Variants in SLC44A5 observed in about 807,000 individuals in gnomAD.
The protein encoded by SLC44A5 is solute carrier family 44 member 5.
Under a neutral mutation model 101.8 loss-of-function variants are expected in SLC44A5, and 57 were observed. The ratio of observed to expected loss-of-function variants is 0.56; its 90% CI spans 0.45 to 0.70. The LOEUF (loss-of-function observed/expected upper bound fraction) is 0.70. SLC44A5 is among the 30% of genes least tolerant of loss of function. SLC44A5 has a pLI of 0.00. For synonymous variants in SLC44A5, 281 were observed against 290.9 expected, an observed-to-expected ratio of 0.97 and a Z score of 0.35; for missense variants, 737 against 853.1, an observed-to-expected ratio of 0.86 and a Z score of 1.70.
intron 4 of SLC44A5, among the ~76,000 whole-genome samples, chr1:75,314,124 TAA>T (rs1442349610): frequency 1.3e-5 from 2 of 152,148 alleles, no homozygotes; most frequent in Middle Eastern, 3.4e-3. Context: ...GAGAAAAGTT[TAA>T]AGACGTTGGT....
upstream of SLC44A5, among the ~76,000 whole-genome samples, chr1:75,615,086 G>T (rs1052444073): frequency 6.6e-5 from 10 of 152,102 alleles, no homozygotes; most frequent in African/African-American, 2.2e-4. Context: ...CCAGCAACAA[G>T]CTCTTCCTTG....
chr1:75,487,576 T>G (rs560750976), intron 2 of SLC44A5, among the ~76,000 whole-genome samples: 1 of 152,236 alleles, frequency 6.6e-6, no homozygotes, highest in Non-Finnish European at 1.5e-5. Context: ...CTCAATGGAC[T>G]GTGATCATTT....
At chr1:75,644,272 ATG>A in the SLC44A5 span, among the ~76,000 whole-genome samples, 406 of 152,270 alleles carry the variant, frequency 2.7e-3, 3 homozygotes, top group African/African-American at 9.5e-3. Flanking sequence ...AGAGTTTTAA[ATG>A]TGTCATTTAA....
At chr1:75,513,660 T>TATG (rs1242055721) in intron 2 of SLC44A5, among the ~76,000 whole-genome samples, 2 of 152,224 alleles carry the variant, frequency 1.3e-5, no homozygotes, top group African/African-American at 4.8e-5. Context: ...AAATGAATGC[T>TATG]ATGCACCAAT....
chr1:75,582,486 C>T, intron 1 of SLC44A5: 1 of 590,816 alleles, frequency 1.7e-6, no homozygotes, highest in South Asian at 2.4e-5. Context: ...CAAACCAAGG[C>T]CCAGCCTGCA....
intron 5 of SLC44A5, among the ~76,000 whole-genome samples, chr1:75,298,022 C>T (rs1300159652): frequency 6.6e-6 from 1 of 152,138 alleles, no homozygotes; most frequent in Admixed American, 6.6e-5. Context: ...ATGAAAAGAT[C>T]ATGGATGAAA....
chr1:75,225,606 A>G (rs1028609105), intron 13 of SLC44A5, among the ~76,000 whole-genome samples: 1 of 152,148 alleles, frequency 6.6e-6, no homozygotes, highest in Non-Finnish European at 1.5e-5. Context: ...CGAACACAAA[A>G]TAGAACTCAT....
chr1:75,580,401 T>A (rs577047167), intron 1 of SLC44A5, among the ~76,000 whole-genome samples: 3 of 152,290 alleles, frequency 2.0e-5, no homozygotes. Flanking sequence ...TGTGCTGTCT[T>A]ATGTTGTCTC....
At chr1:75,419,596 T>C (rs1414657113) in intron 2 of SLC44A5, among the ~76,000 whole-genome samples, 1 of 152,100 alleles carries the variant, frequency 6.6e-6, no homozygotes, top group African/African-American at 2.4e-5. Flanking sequence ...CAGATCTATA[T>C]GGTAATGTTA....
chr1:75,488,524 CA>C (rs1668272815), intron 2 of SLC44A5, among the ~76,000 whole-genome samples: 1 of 152,174 alleles, frequency 6.6e-6, no homozygotes, highest in Non-Finnish European at 1.5e-5. Flanking sequence ...GTAAAATTAA[CA>C]AAGTACTGAG....
intron 2 of SLC44A5, among the ~76,000 whole-genome samples, chr1:75,502,503 A>G (rs183265832): frequency 5.9e-4 from 90 of 152,282 alleles, no homozygotes; most frequent in Admixed American, 5.4e-3. Context: ...ATAATCATGC[A>G]TGAAGAAAAT....
upstream of SLC44A5, among the ~76,000 whole-genome samples, chr1:75,612,266 C>T (rs567719069): frequency 1.3e-5 from 2 of 152,126 alleles, no homozygotes; most frequent in African/African-American, 4.8e-5. Flanking sequence ...GGAATGTATC[C>T]CCAAATAGCA....
At chr1:75,311,541 CCTA>C in intron 4 of SLC44A5, 1 of 984,724 alleles carries the variant, frequency 1.0e-6, no homozygotes, top group Non-Finnish European at 1.2e-6. Context: ...GGTACCAGCT[CCTA>C]CTAATATCCT....
At chr1:75,222,948 T>C (rs963957695) in intron 13 of SLC44A5, among the ~76,000 whole-genome samples, 19 of 152,184 alleles carry the variant, frequency 1.2e-4, no homozygotes, top group East Asian at 1.9e-4. Flanking sequence ...ATGGGCACCA[T>C]TGATGGAATC....
chr1:75,657,271 A>C, the SLC44A5 span, among the ~76,000 whole-genome samples: 1 of 152,220 alleles, frequency 6.6e-6, no homozygotes, highest in Non-Finnish European at 1.5e-5. Context: ...GAAGAGGGCC[A>C]GATGAGGTGG....
chr1:75,633,520 A>T, the SLC44A5 span, among the ~76,000 whole-genome samples: 6 of 152,124 alleles, frequency 3.9e-5, no homozygotes, highest in Admixed American at 1.3e-4. Context: ...GGCTCTCTGT[A>T]TGTCTGTTAT....
At chr1:75,644,419 T>C in the SLC44A5 span, among the ~76,000 whole-genome samples, 1 of 152,034 alleles carries the variant, frequency 6.6e-6, no homozygotes, top group Admixed American at 6.6e-5. Flanking sequence ...AGTGCCTTTG[T>C]CATACTATTG....
At chr1:75,307,392 G>C (rs1290948462) in intron 4 of SLC44A5, among the ~76,000 whole-genome samples, 1 of 152,122 alleles carries the variant, frequency 6.6e-6, no homozygotes, top group Admixed American at 6.5e-5. Flanking sequence ...TCTGTCCCAG[G>C]AAGCAGAATG....
At chr1:75,663,456 T>A in the SLC44A5 span, among the ~76,000 whole-genome samples, 36 of 152,304 alleles carry the variant, frequency 2.4e-4, no homozygotes, top group African/African-American at 8.4e-4. Context: ...CCATTCAGAC[T>A]GTGGTAATTT....
Sources: allele counts gnomAD v4.1 joint callset (sites outside exome capture counted in the v4.1 genomes callset), GRCh38; gene constraint gnomAD v4.1.1; transcripts MANE v1.5; gene names NCBI Gene and HGNC (gene_info 2026-07-23, HGNC 2026-07-21).